GALNT14: variants seen among roughly 807,000 people sequenced by gnomAD.
The protein encoded by GALNT14 is polypeptide N-acetylgalactosaminyltransferase 14.
A neutral mutation model predicts 77.5 loss-of-function variants in GALNT14; 60 were observed. The observed-to-expected ratio is 0.77, with a 90% CI of 0.63 to 0.96. GALNT14 has a LOEUF of 0.96. Among genes scored for constraint, GALNT14 ranks in the 40% least tolerant of loss-of-function variants. The pLI, the probability that GALNT14 is intolerant of heterozygous loss-of-function variation, is 0.00. For missense variants in GALNT14, 710 were observed against 731.0 expected (o/e 0.97, Z 0.33); for synonymous variants, 280 against 281.7 (o/e 0.99, Z 0.06).
intron 1 of GALNT14, among the ~76,000 whole-genome samples, chr2:31,013,399 T>A (rs1558492663): frequency 1.3e-5 from 2 of 152,150 alleles, no homozygotes; most frequent in Admixed American, 1.3e-4. Context: ...AACTTCCAAA[T>A]GCAAGAAAGA....
At chr2:31,115,845 A>AC (rs1678078944) in intron 1 of GALNT14, among the ~76,000 whole-genome samples, 1 of 152,054 alleles carries the variant, frequency 6.6e-6, no homozygotes, top group Non-Finnish European at 1.5e-5. Context: ...ACATAGCAAG[A>AC]CCCTATTTTT....
At chr2:30,932,002 C>T in intron 10 of GALNT14, 66 bp downstream of exon 10, 1 of 1,424,824 alleles carries the variant, frequency 7.0e-7, no homozygotes, top group Non-Finnish European at 9.2e-7. Flanking sequence ...GCAACCCTTA[C>T]CAGCAGCCGC....
At chr2:31,027,918 G>GTGTGTGTGTGTGTGTGTGTGTGTGCA (rs61690434) in intron 1 of GALNT14, among the ~76,000 whole-genome samples, 5 of 151,450 alleles carry the variant, frequency 3.3e-5, no homozygotes, top group Admixed American at 6.6e-5. Flanking sequence ...GTGTGTGTGT[G>GTGTGTGTGTGTGTGTGTGTGTGTGCA]CACGCATGCA....
At chr2:31,040,455 A>G (rs1673032106) in intron 1 of GALNT14, among the ~76,000 whole-genome samples, 3 of 152,182 alleles carry the variant, frequency 2.0e-5, no homozygotes, top group Admixed American at 2.0e-4. Flanking sequence ...CCTGAGGCTG[A>G]GAAGGGCCTG....
At chr2:31,013,118 C>T (rs1324329068) in intron 1 of GALNT14, among the ~76,000 whole-genome samples, 1 of 152,178 alleles carries the variant, frequency 6.6e-6, no homozygotes, top group East Asian at 1.9e-4. Context: ...GGGCAAGTCA[C>T]TGGGACTCAG....
At chr2:30,934,669 G>T (rs1303874539) in intron 9 of GALNT14, among the ~76,000 whole-genome samples, 1 of 152,110 alleles carries the variant, frequency 6.6e-6, no homozygotes, top group East Asian at 1.9e-4. Context: ...CAGGTCCCCA[G>T]CTAGGCCAGC....
At chr2:30,896,724 T>C in the GALNT14 span, among the ~76,000 whole-genome samples, 1 of 152,126 alleles carries the variant, frequency 6.6e-6, no homozygotes, top group African/African-American at 2.4e-5. Context: ...ATGGGTGCCA[T>C]GAAGGAATTT....
intron 2 of GALNT14, among the ~76,000 whole-genome samples, chr2:30,974,868 T>C (rs1668547472): frequency 6.6e-6 from 1 of 152,184 alleles, no homozygotes; most frequent in Non-Finnish European, 1.5e-5. Flanking sequence ...AGACATACGA[T>C]AAATGTCTGA....
chr2:31,026,739 A>C (rs1369167564), intron 1 of GALNT14, among the ~76,000 whole-genome samples: 1 of 152,170 alleles, frequency 6.6e-6, no homozygotes, highest in African/African-American at 2.4e-5. Context: ...GTAATCTCCA[A>C]GGTTTCTTCC....
intron 2 of GALNT14, 80 bp from the exon 3 acceptor site, chr2:30,966,382 G>T: frequency 2.0e-6 from 2 of 1,014,624 alleles, no homozygotes; most frequent in Non-Finnish European, 3.1e-6. Flanking sequence ...GGGCATCTGG[G>T]TGGGCATCCC....
intron 1 of GALNT14, among the ~76,000 whole-genome samples, chr2:31,086,494 G>A (rs1246549567): frequency 5.9e-5 from 9 of 151,634 alleles, no homozygotes; most frequent in South Asian, 2.1e-4. Flanking sequence ...TCTGGATCTC[G>A]GTTTTCACAA....
At chr2:31,089,123 T>A (rs972192215) in intron 1 of GALNT14, among the ~76,000 whole-genome samples, 1 of 152,192 alleles carries the variant, frequency 6.6e-6, no homozygotes, top group African/African-American at 2.4e-5. Flanking sequence ...TCTCTGTAGA[T>A]CTAAACTCTA....
intron 6 of GALNT14, among the ~76,000 whole-genome samples, chr2:30,946,941 A>T (rs1202787520): frequency 1.3e-5 from 2 of 152,066 alleles, no homozygotes; most frequent in Non-Finnish European, 2.9e-5. Context: ...GGTTGACTTC[A>T]CTGTCTTCTC....
intron 11 of GALNT14, among the ~76,000 whole-genome samples, chr2:30,927,071 A>G (rs925484140): frequency 6.6e-6 from 1 of 152,122 alleles, no homozygotes; most frequent in Non-Finnish European, 1.5e-5. Flanking sequence ...GCAGCAGAGG[A>G]GAGACCGGGG....
intron 1 of GALNT14, among the ~76,000 whole-genome samples, chr2:30,996,277 C>T (rs956713808): frequency 2.6e-5 from 4 of 152,154 alleles, no homozygotes; most frequent in Admixed American, 6.5e-5. Flanking sequence ...ATAGCAAGGC[C>T]GGAATGTGGA....
intron 2 of GALNT14, 68 bp from the exon 3 acceptor site, chr2:30,966,370 G>A (rs2303324): frequency 0.16 from 187,384 of 1,180,702 alleles, 15,915 homozygotes; most frequent in East Asian, 0.34. Context: ...GGCTAGAACC[G>A]AGGGCATCTG....
intron 3 of GALNT14, among the ~76,000 whole-genome samples, chr2:30,965,244 C>A (rs182741324): frequency 6.4e-4 from 98 of 152,298 alleles, no homozygotes; most frequent in African/African-American, 2.2e-3. Flanking sequence ...CTAGGCGACA[C>A]TGGACCTTGA....
chr2:31,038,747 A>AT (rs34671516), intron 1 of GALNT14, among the ~76,000 whole-genome samples: 52,364 of 143,920 alleles, frequency 0.36, 9,569 homozygotes, highest in Admixed American at 0.46. Context: ...AGATTCAGCA[A>AT]TTTTTTTTTT....
intron 1 of GALNT14, among the ~76,000 whole-genome samples, chr2:31,136,537 C>T (rs1173931016): frequency 6.6e-6 from 1 of 152,154 alleles, no homozygotes; most frequent in Non-Finnish European, 1.5e-5. Flanking sequence ...AACTCCTCTC[C>T]CCCCAGAGAG....
Sources: gnomAD v4.1 joint callset for allele counts (sites outside exome capture counted in the v4.1 genomes callset) on GRCh38, gnomAD v4.1.1 for gene constraint, MANE v1.5 for transcripts, NCBI Gene and HGNC (gene_info 2026-07-23, HGNC 2026-07-21) for gene names.